Variants in SLCO1B1 observed in about 807,000 individuals in gnomAD.
SLCO1B1 encodes the protein solute carrier organic anion transporter family member 1B1.
SLCO1B1 carries 81 observed loss-of-function variants against 70.1 expected under a neutral mutation model. The ratio of observed to expected loss-of-function variants is 1.16; its 90% CI spans 0.97 to 1.39. SLCO1B1 has a LOEUF of 1.39. Among genes scored for constraint, SLCO1B1 ranks in the 40% most tolerant of loss-of-function variants. The pLI, the probability that SLCO1B1 is intolerant of heterozygous loss-of-function variation, is 0.00. For synonymous variants in SLCO1B1, 283 were observed against 271.5 expected (o/e 1.04, Z -0.42); for missense variants, 895 against 799.6 (o/e 1.12, Z -1.44).
chr12:21,226,472 C>T (rs1476223798), intron 14 of SLCO1B1, among the ~76,000 whole-genome samples: 1 of 151,822 alleles, frequency 6.6e-6, no homozygotes, highest in Admixed American at 6.6e-5. Flanking sequence ...CTGTATTATT[C>T]TAACTGTATG....
chr12:21,147,180 C>T (rs1278510222), intron 2 of SLCO1B1, among the ~76,000 whole-genome samples: 2 of 152,030 alleles, frequency 1.3e-5, no homozygotes, highest in Non-Finnish European at 2.9e-5. Context: ...CCCGTTTTTA[C>T]CTCTGTTAAT....
At chr12:21,215,697 T>A (rs1941349356) in intron 11 of SLCO1B1, among the ~76,000 whole-genome samples, 1 of 152,158 alleles carries the variant, frequency 6.6e-6, no homozygotes, top group Non-Finnish European at 1.5e-5. Flanking sequence ...TTGCTATATT[T>A]TGGTACCAGG....
chr12:21,206,072 G>A (rs768877451), intron 11 of SLCO1B1, 39 bp downstream of exon 11: 2 of 1,539,450 alleles, frequency 1.3e-6, no homozygotes, highest in Non-Finnish European at 1.8e-6. Context: ...TTATTCAAAA[G>A]CACAGATTAG....
chr12:21,190,044 G>A (rs1007486063), intron 7 of SLCO1B1, among the ~76,000 whole-genome samples: 1 of 152,112 alleles, frequency 6.6e-6, no homozygotes, highest in Non-Finnish European at 1.5e-5. Context: ...GAAGCTATAG[G>A]GAAGGAAGCA....
At chr12:21,165,595 T>C (rs140347200) in intron 2 of SLCO1B1, among the ~76,000 whole-genome samples, 4 of 152,244 alleles carry the variant, frequency 2.6e-5, no homozygotes, top group Non-Finnish European at 4.4e-5. Flanking sequence ...CTCCCCAAAA[T>C]TGTGTATTGA....
intron 2 of SLCO1B1, among the ~76,000 whole-genome samples, chr12:21,147,238 T>A (rs1940399500): frequency 6.6e-6 from 1 of 152,206 alleles, no homozygotes; most frequent in African/African-American, 2.4e-5. Flanking sequence ...TAGATTGTCT[T>A]GCTTTGTTTT....
chr12:21,215,863 T>A (rs2900478), intron 11 of SLCO1B1, among the ~76,000 whole-genome samples: 19,319 of 152,114 alleles, frequency 0.13, 1,586 homozygotes, highest in Middle Eastern at 0.19. Context: ...TAGGCAGGTT[T>A]TTTCAGTACT....
Position 21,202,637 on chromosome 12 carries a change from A to T in SLCO1B1, c.1282A>T (p.Ile428Leu), listed in dbSNP as rs555864085. ...SLSFYLLYFF[I>L]LCENKSVAGL... ...GTCCTTTTACCTATTATATTTTTTCATACTCTGTGAAAACAAATCAGTTGC... is the reference window on the plus strand; with the variant it reads ...GTCCTTTTACCTATTATATTTTTTCTTACTCTGTGAAAACAAATCAGTTGC... Residue 428 changes from isoleucine to leucine, a missense_variant, in exon 10 of 15, where the codon ATA becomes TTA. Coordinates refer to ENST00000256958, the MANE Select transcript of SLCO1B1 (RefSeq NM_006446.5). 1 of 1,612,774 alleles carries T rather than the reference A, an allele frequency of 6.2e-7. No individual in the cohort carries two copies. The highest frequency in any genetic ancestry group is 8.5e-7 in the Non-Finnish European group (1 of 1,179,464).
intron 14 of SLCO1B1, among the ~76,000 whole-genome samples, chr12:21,229,282 C>A (rs78695636): frequency 0.058 from 7,980 of 136,684 alleles, 235 homozygotes; most frequent in African/African-American, 0.072. Flanking sequence ...AGGTTTCACT[C>A]TTGACATTGT....
At chr12:21,221,236 T>A (rs1386372358) in intron 12 of SLCO1B1, among the ~76,000 whole-genome samples, 1 of 152,180 alleles carries the variant, frequency 6.6e-6, no homozygotes, top group Non-Finnish European at 1.5e-5. Context: ...GAAAGCATTC[T>A]CCTGAGACCT....
intron 9 of SLCO1B1, 81 bp downstream of exon 9, chr12:21,200,753 A>C: frequency 8.1e-7 from 1 of 1,242,164 alleles, no homozygotes; most frequent in South Asian, 1.4e-5. Flanking sequence ...TTATTGTGAA[A>C]GTGATTTTGT....
chr12:21,189,579 C>G (rs1361980887), intron 7 of SLCO1B1, among the ~76,000 whole-genome samples: 1 of 151,964 alleles, frequency 6.6e-6, no homozygotes, highest in African/African-American at 2.4e-5. Context: ...TCCAGAGTAT[C>G]TGGGATTACA....
intron 1 of SLCO1B1, among the ~76,000 whole-genome samples, chr12:21,136,130 C>A (rs1232276401): frequency 2.6e-5 from 4 of 152,146 alleles, no homozygotes; most frequent in Admixed American, 6.5e-5. Flanking sequence ...GTTGAAAATT[C>A]TTTTCTTTAA....
chr12:21,208,943 G>A (rs1381611018), intron 11 of SLCO1B1, among the ~76,000 whole-genome samples: 1 of 151,914 alleles, frequency 6.6e-6, no homozygotes, highest in Non-Finnish European at 1.5e-5. Flanking sequence ...TCGGTGTATA[G>A]AAATGCTACT....
chr12:21,204,620 G>A (rs1444414732), intron 10 of SLCO1B1, among the ~76,000 whole-genome samples: 1 of 151,858 alleles, frequency 6.6e-6, no homozygotes, highest in African/African-American at 2.4e-5. Flanking sequence ...AAACACAGAT[G>A]TGACTGATTG....
chr12:21,194,041 T>C (rs1311562290), intron 7 of SLCO1B1, among the ~76,000 whole-genome samples: 4 of 152,200 alleles, frequency 2.6e-5, no homozygotes, highest in African/African-American at 4.8e-5. Flanking sequence ...TCCACCCACC[T>C]TGGCCTCCCA....
rs563634918 is a variant in SLCO1B1 at position 21,140,551 on chromosome 12, C to T, written c.-61-963C>T. On this transcript the variant is annotated intron_variant, in intron 1 of 14. Transcript: ENST00000256958. ...ATATGGCCACATAAAACCAAAATGG[C>T]ATATGATATATTAAGAACATCTTTA... 3.3e-5 allele frequency among the ~76,000 whole-genome samples: 5 copies of T among 152,014 alleles called. 1 individual carries two copies. The highest frequency in any genetic ancestry group is 4.1e-4 in the South Asian group (2 of 4,824).
intron 10 of SLCO1B1, 40 bp from the exon 11 acceptor site, chr12:21,205,828 C>T (rs1190707368): frequency 6.9e-7 from 1 of 1,450,408 alleles, no homozygotes; most frequent in Admixed American, 1.7e-5. Flanking sequence ...TTTTTCTTCT[C>T]TCTCTCTCTT....
intron 6 of SLCO1B1, 62 bp from the exon 7 acceptor site, chr12:21,178,860 A>C (rs1228322287): frequency 2.8e-6 from 4 of 1,404,214 alleles, no homozygotes; most frequent in Non-Finnish European, 4.0e-6. Context: ...TCTTTTAAAA[A>C]CATGGTGAAT....
Sources: allele counts gnomAD v4.1 joint callset (sites outside exome capture counted in the v4.1 genomes callset), GRCh38; gene constraint gnomAD v4.1.1; transcripts MANE v1.5; gene names NCBI Gene and HGNC (gene_info 2026-07-23, HGNC 2026-07-21).